The following KLHL14 variants were observed in gnomAD, a reference collection of about 807,000 sequenced individuals.
KLHL14 encodes the protein kelch like family member 14, also known as kelch-like protein 14.
KLHL14 carries 22 observed loss-of-function variants against 64.3 expected under a neutral mutation model. The ratio of observed to expected loss-of-function variants is 0.34; its 90% CI spans 0.24 to 0.49. KLHL14 has a LOEUF of 0.49. KLHL14 is among the 20% of genes least tolerant of loss of function. The probability of loss-of-function intolerance (pLI) is 0.99; values close to 1 mark genes in which losing one functional copy is unlikely to be tolerated. For missense variants in KLHL14, 661 were observed against 789.0 expected (o/e 0.84, Z 1.94); for synonymous variants, 322 against 333.4 (o/e 0.97, Z 0.37).
chr18:32,710,445 T>A (rs1461791268), intron 3 of KLHL14, among the ~76,000 whole-genome samples: 1 of 152,168 alleles, frequency 6.6e-6, no homozygotes, highest in Non-Finnish European at 1.5e-5. Context: ...AGAGTTACAT[T>A]GGTTTACACT....
rs190518226 is a variant in KLHL14, at chr18:32,767,319, T to G, written c.947+2326A>C. ...TTATTTTGGCATTCTTCCTATGAAT[T>G]ACAATTAAAATAATGTAATTAGTCT... On this transcript the variant is annotated intron_variant, in intron 2 of 8. Coordinates refer to ENST00000359358, the MANE Select transcript of KLHL14 (RefSeq NM_020805.3). 1.0e-3 allele frequency among the ~76,000 whole-genome samples: 157 copies of G among 152,336 alleles called. 1 individual carries two copies. The highest frequency in any genetic ancestry group is 2.4e-3 in the Admixed American group (36 of 15,300).
At chr18:32,757,854 AAT>A (rs2144546034) in intron 2 of KLHL14, among the ~76,000 whole-genome samples, 1 of 152,298 alleles carries the variant, frequency 6.6e-6, no homozygotes, top group East Asian at 1.9e-4. Flanking sequence ...GATTTTTAAT[AAT>A]AGTCATAAGT....
chr18:32,682,240 A>G (rs1184916859), intron 5 of KLHL14, among the ~76,000 whole-genome samples: 3 of 152,210 alleles, frequency 2.0e-5, no homozygotes, highest in African/African-American at 7.2e-5. Flanking sequence ...AATTATCCCA[A>G]TAGATATCAT....
At chr18:32,689,282 G>A (rs1379137035) in intron 4 of KLHL14, among the ~76,000 whole-genome samples, 1 of 152,114 alleles carries the variant, frequency 6.6e-6, no homozygotes, top group Non-Finnish European at 1.5e-5. Context: ...TATGGAGAGT[G>A]TATGAAAATG....
intron 3 of KLHL14, among the ~76,000 whole-genome samples, chr18:32,707,994 G>A (rs2049998838): frequency 6.6e-6 from 1 of 152,050 alleles, no homozygotes; most frequent in African/African-American, 2.4e-5. Context: ...AAAGTGGCTG[G>A]GTCTGCTTTA....
At chr18:32,681,481 A>C (rs2049838347) in intron 5 of KLHL14, among the ~76,000 whole-genome samples, 2 of 152,130 alleles carry the variant, frequency 1.3e-5, no homozygotes, top group Non-Finnish European at 2.9e-5. Flanking sequence ...GCTGAGGGAA[A>C]ATAACATTCA....
chr18:32,733,108 T>C (rs964534544), intron 3 of KLHL14, among the ~76,000 whole-genome samples: 1 of 152,156 alleles, frequency 6.6e-6, no homozygotes, highest in Non-Finnish European at 1.5e-5. Context: ...CTTGGAAGAC[T>C]GATGTTTTTC....
At chr18:32,727,388 T>A (rs2050113271) in intron 3 of KLHL14, among the ~76,000 whole-genome samples, 1 of 152,202 alleles carries the variant, frequency 6.6e-6, no homozygotes, top group South Asian at 2.1e-4. Context: ...GTGCTGAGAT[T>A]AGCAAATGAA....
At chr18:32,720,330 T>C (rs1293437939) in intron 3 of KLHL14, among the ~76,000 whole-genome samples, 1 of 152,140 alleles carries the variant, frequency 6.6e-6, no homozygotes, top group Non-Finnish European at 1.5e-5. Context: ...CAGAAGATCA[T>C]AGTGACAGCG....
At chr18:32,731,720 A>G (rs2050137913) in intron 3 of KLHL14, among the ~76,000 whole-genome samples, 1 of 151,898 alleles carries the variant, frequency 6.6e-6, no homozygotes. Context: ...CTACGTGTAT[A>G]TATCTATATA....
At chr18:32,693,247 G>A (rs939806452) in intron 4 of KLHL14, among the ~76,000 whole-genome samples, 1 of 152,060 alleles carries the variant, frequency 6.6e-6, no homozygotes, top group Admixed American at 6.6e-5. Flanking sequence ...CCTCTATTTA[G>A]GTGAGCCCAG....
At position 32,680,418 on chromosome 18, in the gene KLHL14, ATATTTTCC is replaced by A; in HGVS notation, c.1412_1419del (p.Gly471ValfsTer19). ...TGGAGGAATTACTTGCCTGAAATGT[ATATTTTCC>A]CATTGTGCACTGCTCCCGCATGAGC... On this transcript the variant is annotated frameshift_variant, in exon 6 of 9. Transcript: ENST00000359358. LOFTEE classifies it high-confidence loss of function. This position sits in a 1 kb window ranked among gnomAD's most constrained non-coding sequence, Gnocchi z 4.8. 6.2e-7 allele frequency: 1 copy of A among 1,613,944 alleles called. No individual in the cohort carries two copies. The highest frequency in any genetic ancestry group is 8.5e-7 in the Non-Finnish European group (1 of 1,179,866).
intron 3 of KLHL14, among the ~76,000 whole-genome samples, chr18:32,717,904 T>C (rs899372246): frequency 1.3e-5 from 2 of 152,230 alleles, no homozygotes; most frequent in Admixed American, 6.5e-5. Flanking sequence ...TTCATTTTCT[T>C]GGTTTCATCT....
chr18:32,705,824 C>T (rs536264255), intron 3 of KLHL14, among the ~76,000 whole-genome samples: 41 of 152,200 alleles, frequency 2.7e-4, no homozygotes, highest in African/African-American at 7.9e-4. Flanking sequence ...ATAAGAGGAA[C>T]GTGCTTTTAT....
At chr18:32,753,382 TTCCCACCCCTTCACTTCTCA>T (rs1215399419) in intron 2 of KLHL14, among the ~76,000 whole-genome samples, 1 of 152,142 alleles carries the variant, frequency 6.6e-6, no homozygotes, top group African/African-American at 2.4e-5. Context: ...ATTAGCCATC[TTCCCACCCCTTCACTTCTCA>T]TCCCGCCCCT....
chr18:32,752,412 A>G (rs558352121), intron 2 of KLHL14, among the ~76,000 whole-genome samples: 3 of 151,952 alleles, frequency 2.0e-5, no homozygotes, highest in Admixed American at 2.0e-4. Flanking sequence ...ATATCAACCA[A>G]CTCCCAAATC....
At chr18:32,736,328 A>G (rs2050165945) in intron 3 of KLHL14, among the ~76,000 whole-genome samples, 1 of 152,154 alleles carries the variant, frequency 6.6e-6, no homozygotes, top group Non-Finnish European at 1.5e-5. Flanking sequence ...GCAGCCATGT[A>G]TCTCAAATTA....
At chr18:32,676,520 GA>G (rs2049812058) in intron 8 of KLHL14, among the ~76,000 whole-genome samples, 1 of 152,178 alleles carries the variant, frequency 6.6e-6, no homozygotes, top group Non-Finnish European at 1.5e-5. Context: ...TTTGGAGTGT[GA>G]GTGTATTTAC....
chr18:32,687,838 C>T (rs2049886908), intron 4 of KLHL14, among the ~76,000 whole-genome samples: 1 of 152,178 alleles, frequency 6.6e-6, no homozygotes, highest in African/African-American at 2.4e-5. Flanking sequence ...AGAGTCTGCT[C>T]TCTCTGTTCA....
Sources: allele counts gnomAD v4.1 joint callset (sites outside exome capture counted in the v4.1 genomes callset), GRCh38; gene constraint gnomAD v4.1.1; non-coding constraint Gnocchi (gnomAD v3.1); transcripts MANE v1.5; gene names NCBI Gene and HGNC (gene_info 2026-07-23, HGNC 2026-07-21).